SPTLC2: variants seen among roughly 807,000 people sequenced by gnomAD.
SPTLC2 encodes the protein serine palmitoyltransferase long chain base subunit 2.
Under a neutral mutation model 62.0 loss-of-function variants are expected in SPTLC2, and 21 were observed. That is an observed-to-expected ratio of 0.34 (90% CI 0.24 to 0.49). The LOEUF is 0.49. SPTLC2 is among the 20% of genes least tolerant of loss of function. The pLI, the probability that SPTLC2 is intolerant of heterozygous loss-of-function variation, is 0.99. For synonymous variants in SPTLC2, 261 were observed against 261.8 expected (o/e 1.00, Z 0.03); for missense variants, 511 against 713.0 (o/e 0.72, Z 3.23).
chr14:77,607,267 A>C (rs2079910351), intron 1 of SPTLC2, among the ~76,000 whole-genome samples: 1 of 152,192 alleles, frequency 6.6e-6, no homozygotes, highest in Non-Finnish European at 1.5e-5. Flanking sequence ...AAATCAAGGA[A>C]AGTAGATTAA....
intron 9 of SPTLC2, 140 bp from the exon 10 acceptor site, chr14:77,521,721 A>C: frequency 1.3e-6 from 1 of 758,210 alleles, no homozygotes; most frequent in East Asian, 2.7e-5. Flanking sequence ...TATTTTACAG[A>C]GTAAACCATA....
At chr14:77,517,727 GAA>G (rs2079365953) in intron 11 of SPTLC2, among the ~76,000 whole-genome samples, 1 of 151,738 alleles carries the variant, frequency 6.6e-6, no homozygotes, top group African/African-American at 2.4e-5. Flanking sequence ...GCTCAAGAGA[GAA>G]AATTTTAGAC....
chr14:77,609,890 A>C (rs2079925987), intron 1 of SPTLC2, among the ~76,000 whole-genome samples: 1 of 152,176 alleles, frequency 6.6e-6, no homozygotes, highest in Non-Finnish European at 1.5e-5. Context: ...TCAATCAATC[A>C]ATCAACAATG....
rs1566797254 is a variant in SPTLC2, at chr14:77,616,625, A to AGCG, written c.-49_-47dup. 4 of 1,520,766 alleles carry AGCG rather than the reference A, an allele frequency of 2.6e-6. No individual in the cohort carries two copies. Among genetic ancestry groups the AGCG allele is most frequent in the East Asian group, 2.5e-5 (1 of 40,570 alleles). The allele number at this position is 1,520,766 out of a possible 1,614,324, so 94.2% of individuals were successfully genotyped here. A position where few individuals can be genotyped will look rare whatever the true frequency, so the allele number is the denominator to read the frequency against. ...CAAGGCAGGCTCTGTAGGCGGTGGC[A>AGCG]GCGGCGGCGGCTGCTCCAAGTCCCG... On this transcript the variant is annotated 5_prime_UTR_variant, in exon 1 of 12. Transcript: ENST00000216484.
rs918872218 is a variant in SPTLC2, at chr14:77,575,148, G to A, written c.631+1619C>T. ...GAGGTGGGAGGATGGCTGGAGTACC[G>A]AAGTTTGAGGCTGAAGTGAGCTGAC... On this transcript the variant is annotated intron_variant, in intron 4 of 11. Transcript: ENST00000216484. Among the ~76,000 whole-genome samples the A allele has an allele frequency of 4.6e-5, 7 of 152,302 alleles. No homozygotes were observed. In the East Asian group the frequency reaches 5.8e-4, roughly 13 times the overall value.
chr14:77,587,537 C>T (rs1277881942), intron 2 of SPTLC2, among the ~76,000 whole-genome samples: 1 of 145,070 alleles, frequency 6.9e-6, no homozygotes, highest in Non-Finnish European at 1.5e-5. Flanking sequence ...GAGGCTGAGG[C>T]AGGTGGATCA....
chr14:77,550,747 CA>C (rs138308906), intron 9 of SPTLC2, among the ~76,000 whole-genome samples: 1 of 149,734 alleles, frequency 6.7e-6, no homozygotes, highest in Admixed American at 6.6e-5. Context: ...ACAAAAAATA[CA>C]AAAAAAATGG....
chr14:77,529,238 C>T (rs1333572627), intron 9 of SPTLC2, among the ~76,000 whole-genome samples: 1 of 140,536 alleles, frequency 7.1e-6, no homozygotes, highest in Non-Finnish European at 1.5e-5. Flanking sequence ...TGAAGTTTCT[C>T]TTTGAAAACT....
chr14:77,543,503 A>G (rs1215621043), intron 9 of SPTLC2, among the ~76,000 whole-genome samples: 1 of 152,228 alleles, frequency 6.6e-6, no homozygotes, highest in Non-Finnish European at 1.5e-5. Flanking sequence ...TAGAGGTAGA[A>G]GGCAATACAA....
intron 2 of SPTLC2, among the ~76,000 whole-genome samples, chr14:77,583,170 A>C (rs1047488690): frequency 7.9e-5 from 12 of 151,634 alleles, no homozygotes; most frequent in African/African-American, 2.9e-4. Context: ...ACTGCACTTT[A>C]GCCTGGGCAA....
At chr14:77,592,550 A>G (rs2079824036) in intron 2 of SPTLC2, among the ~76,000 whole-genome samples, 1 of 152,150 alleles carries the variant, frequency 6.6e-6, no homozygotes, top group African/African-American at 2.4e-5. Context: ...GGATATAAAC[A>G]TATAATGTCC....
chr14:77,530,517 C>G (rs1329642185), intron 9 of SPTLC2, among the ~76,000 whole-genome samples: 1 of 151,872 alleles, frequency 6.6e-6, no homozygotes, highest in African/African-American at 2.4e-5. Flanking sequence ...TTAGTAGAGA[C>G]AGGGTTTCAC....
chr14:77,588,287 T>C (rs2079794029), intron 2 of SPTLC2, among the ~76,000 whole-genome samples: 1 of 152,200 alleles, frequency 6.6e-6, no homozygotes, highest in Non-Finnish European at 1.5e-5. Flanking sequence ...GAGATAGATT[T>C]AGAAGTAACT....
chr14:77,518,000 A>C, intron 11 of SPTLC2, 38 bp downstream of exon 11: 1 of 1,613,874 alleles, frequency 6.2e-7, no homozygotes, highest in Non-Finnish European at 8.5e-7. Context: ...CCTTTTAATA[A>C]AAGGCATATT....
chr14:77,578,913 C>T, intron 3 of SPTLC2, 42 bp downstream of exon 3: 1 of 1,608,346 alleles, frequency 6.2e-7, no homozygotes, highest in Non-Finnish European at 8.5e-7. Context: ...TGAAGAAACC[C>T]TTTTGTAATT....
chr14:77,601,459 C>T (rs1033397834), intron 1 of SPTLC2, among the ~76,000 whole-genome samples: 1 of 152,224 alleles, frequency 6.6e-6, no homozygotes, highest in African/African-American at 2.4e-5. Context: ...TGATAATTCC[C>T]GCCCTTTGCT....
At chr14:77,592,762 A>C (rs1397231134) in intron 2 of SPTLC2, among the ~76,000 whole-genome samples, 2 of 151,978 alleles carry the variant, frequency 1.3e-5, no homozygotes, top group African/African-American at 2.4e-5. Flanking sequence ...TACCCACCAC[A>C]AGTGTCATTT....
chr14:77,576,933 A>G lies in SPTLC2; in HGVS notation c.483-18T>C. The G allele has an allele frequency of 3.7e-6, 6 of 1,614,068 alleles. No individual in the cohort carries two copies. Among genetic ancestry groups the G allele is most frequent in the Non-Finnish European group, 5.1e-6 (6 of 1,179,990 alleles). On this transcript the variant is annotated intron_variant, in intron 3 of 11. Transcript: ENST00000216484. The stretch of plus-strand genomic sequence containing the variant: ...CTGTATACCTGTGCATCAATAGCAT[A>G]AAACAATGAAACTCATGAGCAAAAA...
chr14:77,553,692 C>T lies in SPTLC2; in HGVS notation c.1177-1470G>A, dbSNP rs189508103. Among the ~76,000 whole-genome samples the T allele has an allele frequency of 8.6e-4, 113 of 131,300 alleles. No homozygotes were observed. In the South Asian group the frequency reaches 8.9e-3, roughly 10 times the overall value. 86.1% of individuals were successfully genotyped at this position (131,300 alleles called of 152,430 possible). A position where few individuals can be genotyped will look rare whatever the true frequency, so the allele number is the denominator to read the frequency against. On this transcript the variant is annotated intron_variant, in intron 8 of 11. Coordinates refer to ENST00000216484, the MANE Select transcript of SPTLC2 (RefSeq NM_004863.4). Reference sequence around the variant, plus strand: ...GTTGCAGTGAGCCAAGATTGTGCCACTGAACTCCAGCCTGGCAATGGAGTA... The same window carrying T: ...GTTGCAGTGAGCCAAGATTGTGCCATTGAACTCCAGCCTGGCAATGGAGTA...
Sources: allele counts gnomAD v4.1 joint callset (sites outside exome capture counted in the v4.1 genomes callset), GRCh38; gene constraint gnomAD v4.1.1; transcripts MANE v1.5; gene names NCBI Gene and HGNC (gene_info 2026-07-23, HGNC 2026-07-21).